The following PCDHA8 variants were observed in gnomAD, a reference collection of about 807,000 sequenced individuals.
The protein encoded by PCDHA8 is protocadherin alpha 8, also known as protocadherin alpha-8.
Under a neutral mutation model 61.8 loss-of-function variants are expected in PCDHA8, and 53 were observed. That is an observed-to-expected ratio of 0.86 (90% CI 0.69 to 1.08). The LOEUF (loss-of-function observed/expected upper bound fraction) is 1.08. Among genes scored for constraint, PCDHA8 ranks in the 50% least tolerant of loss-of-function variants. PCDHA8 has a pLI of 0.00. For synonymous variants in PCDHA8, 618 were observed against 556.6 expected (o/e 1.11, Z -1.55); for missense variants, 1,293 against 1,245.0 (o/e 1.04, Z -0.58).
intron 1 of PCDHA8, among the ~76,000 whole-genome samples, chr5:140,949,857 G>A (rs1554219193): frequency 6.6e-6 from 1 of 151,520 alleles, no homozygotes; most frequent in East Asian, 1.9e-4. Context: ...CCGCTTATCT[G>A]TTGTCTTTTG....
chr5:140,929,554 C>G (rs899446101), intron 1 of PCDHA8: 17 of 488,414 alleles, frequency 3.5e-5, no homozygotes, highest in Non-Finnish European at 5.5e-5. Flanking sequence ...AAAATTAAAA[C>G]CTATTTAAGA....
At chr5:141,008,015 T>C (rs2098356412) in intron 3 of PCDHA8, among the ~76,000 whole-genome samples, 1 of 152,088 alleles carries the variant, frequency 6.6e-6, no homozygotes. Flanking sequence ...TTCTGTTTCC[T>C]TTTTTTTCTT....
rs2150365461 is a variant in PCDHA8, at chr5:140,843,714, A to G, written c.2393A>G (p.Lys798Arg). 11 of 1,569,726 alleles carry G rather than the reference A, an allele frequency of 7.0e-6. No individual in the cohort carries two copies. The highest frequency in any genetic ancestry group is 6.9e-5 in the Admixed American group (4 of 57,936). Residue 798 changes from lysine (K) to arginine (R), a missense_variant and splice_region_variant, in exon 1 of 4, where the codon AAA becomes AGA. By Grantham distance (26) the Lys-to-Arg change is conservative (BLOSUM62 2). Transcript: ENST00000531613. Reference protein sequence around the residue: ...EQDLNVDHGLKPRQPNPDWRY... With the variant: ...EQDLNVDHGLRPRQPNPDWRY... Reference sequence around the variant, plus strand: ...GATTTAAATGTTGATCATGGCCTCAAAGTAAGTCCATTTAAATTTAGAACT... The same window carrying G: ...GATTTAAATGTTGATCATGGCCTCAGAGTAAGTCCATTTAAATTTAGAACT...
rs2150347815 is a variant in PCDHA8, at chr5:140,842,914, G to A, written c.1593G>A (p.Leu531=). 19 of 1,594,548 alleles carry A rather than the reference G, an allele frequency of 1.2e-5. 2 individuals carry two copies. The highest frequency in any genetic ancestry group is 1.6e-5 in the Non-Finnish European group (19 of 1,165,450). The change falls in exon 1 of 4, where the codon CTG becomes CTA. Residue 531 remains leucine (L), a synonymous_variant. Transcript: ENST00000531613. ...QPLDHEELEL[L]QFQVSARDAG... is the part of the protein sequence containing the mutation. ...TGGACCACGAGGAGCTAGAGCTGCT[G>A]CAGTTCCAGGTGAGCGCGCGCGACG...
intron 1 of PCDHA8, among the ~76,000 whole-genome samples, chr5:140,918,366 T>G (rs1203283831): frequency 2.0e-5 from 3 of 152,180 alleles, no homozygotes; most frequent in African/African-American, 7.2e-5. Flanking sequence ...CTCTGCCTAT[T>G]TGGATGCCTT....
At chr5:140,979,937 A>G (rs563499415) in intron 2 of PCDHA8, among the ~76,000 whole-genome samples, 1 of 152,388 alleles carries the variant, frequency 6.6e-6, no homozygotes, top group African/African-American at 2.4e-5. Context: ...GTATGTGTAG[A>G]GTTAATGTGA....
At chr5:140,867,604 A>C (rs1420460822) in intron 1 of PCDHA8, 1 of 152,164 alleles carries the variant, frequency 6.6e-6, no homozygotes, top group Non-Finnish European at 1.5e-5. Flanking sequence ...GAGATAAACC[A>C]TCAAAACTAT....
intron 1 of PCDHA8, chr5:140,966,634 G>A: frequency 9.8e-7 from 1 of 1,022,982 alleles, no homozygotes; most frequent in Non-Finnish European, 1.3e-6. Flanking sequence ...GGCCCCAGGC[G>A]CTTTCTAGAG....
chr5:140,850,652 T>C lies in PCDHA8; in HGVS notation c.2394+6937T>C, dbSNP rs2150492321. 4 of 1,598,476 alleles carry C rather than the reference T, an allele frequency of 2.5e-6. No homozygotes were observed. In the South Asian group the frequency reaches 3.3e-5, roughly 13 times the overall value. On this transcript the variant is annotated intron_variant, in intron 1 of 3. Coordinates refer to ENST00000531613, the MANE Select transcript of PCDHA8 (RefSeq NM_018911.3). ...TGGTTCTCACGCTGCTGCTGTACAC[T>C]GTGCTGCGGTGCTCGGCGATGCCCA...
chr5:140,859,470 A>G (rs184833883), intron 1 of PCDHA8: 1 of 211,162 alleles, frequency 4.7e-6, no homozygotes, highest in South Asian at 1.3e-4. Context: ...TACACTATCA[A>G]TTGTGTTTTC....
intron 1 of PCDHA8, among the ~76,000 whole-genome samples, chr5:140,957,031 TG>T (rs1436652232): frequency 6.6e-6 from 1 of 152,182 alleles, no homozygotes; most frequent in Non-Finnish European, 1.5e-5. Flanking sequence ...TAGATATTTA[TG>T]GGAGTCATAT....
intron 1 of PCDHA8, chr5:140,968,382 A>G: frequency 6.2e-7 from 1 of 1,614,050 alleles, no homozygotes; most frequent in Non-Finnish European, 8.5e-7. Flanking sequence ...TCCTTTGACT[A>G]TGAGAAGTTT....
chr5:140,966,934 G>T, intron 1 of PCDHA8: 1 of 1,604,080 alleles, frequency 6.2e-7, no homozygotes, highest in Non-Finnish European at 8.5e-7. Context: ...CACCCGGCGC[G>T]CTCGTGGGCA....
chr5:140,846,023 G>A lies in PCDHA8; in HGVS notation c.2394+2308G>A, dbSNP rs190415681. Among the ~76,000 whole-genome samples, 29 of 149,662 alleles carry A rather than the reference G, an allele frequency of 1.9e-4. No homozygotes were observed. The East Asian group carries it at 5.2e-3, about 27-fold the overall frequency. ...ATGAAAAAAATCTAAAAGTTATTACGAGTTTAGGAAAGTCAAGTTAACACC... is the reference window on the plus strand; with the variant it reads ...ATGAAAAAAATCTAAAAGTTATTACAAGTTTAGGAAAGTCAAGTTAACACC... On this transcript the variant is annotated intron_variant, in intron 1 of 3. Transcript: ENST00000531613.
rs2153793513 is a variant in PCDHA8, at chr5:140,972,346, C to T, written c.2395-6603C>T. Among the ~76,000 whole-genome samples, 6 of 151,468 alleles carry T rather than the reference C, an allele frequency of 4.0e-5. No homozygotes were observed. In the Middle Eastern group the frequency reaches 0.014, roughly 346 times the overall value. The stretch of plus-strand genomic sequence containing the variant: ...TTTTTTTTGGAAGAGATGGGGGTCT[C>T]ACTATGTTGCACATGCTGTTAGTAT... On this transcript the variant is annotated intron_variant, in intron 1 of 3. Transcript: ENST00000531613.
chr5:140,967,074 A>C (rs1554229140), intron 1 of PCDHA8: 1 of 1,613,138 alleles, frequency 6.2e-7, no homozygotes. Flanking sequence ...TTCGTCAACG[A>C]GCGCATTGAT....
At chr5:140,919,674 G>C (rs1554199207) in intron 1 of PCDHA8, among the ~76,000 whole-genome samples, 1 of 151,886 alleles carries the variant, frequency 6.6e-6, no homozygotes, top group Non-Finnish European at 1.5e-5. Context: ...TTAGCTTATT[G>C]GTATCTGCTT....
intron 1 of PCDHA8, chr5:140,857,651 A>G (rs781834004): frequency 6.3e-7 from 1 of 1,596,558 alleles, no homozygotes; most frequent in South Asian, 1.1e-5. Context: ...GTTCCAGGTG[A>G]GCGCGCGCGA....
At chr5:140,928,532 A>G (rs781788985) in intron 1 of PCDHA8, 42 of 1,614,110 alleles carry the variant, frequency 2.6e-5, no homozygotes, top group Middle Eastern at 1.6e-4. Flanking sequence ...TTTGTGGTAG[A>G]TAGGAATGAC....
Sources: gnomAD v4.1 joint callset for allele counts (sites outside exome capture counted in the v4.1 genomes callset) on GRCh38, gnomAD v4.1.1 for gene constraint, MANE v1.5 for transcripts, NCBI Gene and HGNC (gene_info 2026-07-23, HGNC 2026-07-21) for gene names.